CDK17: variants seen among roughly 807,000 people sequenced by gnomAD.
The protein encoded by CDK17 is cyclin-dependent kinase 17.
In CDK17, 24 loss-of-function variants were observed where a neutral mutation model predicts 77.6. The observed-to-expected ratio is 0.31, with a 90% CI of 0.22 to 0.44. The LOEUF is 0.44. CDK17 is among the 20% of genes least tolerant of loss of function. The probability of loss-of-function intolerance (pLI) is 1.00; values close to 1 mark genes in which losing one functional copy is unlikely to be tolerated. For synonymous variants in CDK17, 203 were observed against 210.4 expected (o/e 0.96, Z 0.30); for missense variants, 429 against 622.5 (o/e 0.69, Z 3.31).
chr12:96,305,877 G>A (rs970620330), intron 5 of CDK17, among the ~76,000 whole-genome samples: 1 of 151,968 alleles, frequency 6.6e-6, no homozygotes, highest in African/African-American at 2.4e-5. Flanking sequence ...GTGCCACCAC[G>A]CCTGGCTAGT....
At chr12:96,300,394 CTT>C (rs372691382) in intron 5 of CDK17, 34 bp from the exon 6 acceptor site, 29,502 of 883,856 alleles carry the variant, frequency 0.033, 57 homozygotes, top group Admixed American at 0.093. Context: ...GTAGTATTTA[CTT>C]TTTTTTTTTT....
At chr12:96,342,569 CA>C (rs1490668192) in intron 1 of CDK17, among the ~76,000 whole-genome samples, 2 of 151,876 alleles carry the variant, frequency 1.3e-5, no homozygotes, top group Admixed American at 1.3e-4. Context: ...GTCAAACAAA[CA>C]AACAAACAAA....
chr12:96,317,630 TG>T (rs1199556530), intron 3 of CDK17, among the ~76,000 whole-genome samples: 1 of 118,496 alleles, frequency 8.4e-6, no homozygotes, highest in Non-Finnish European at 1.8e-5. Flanking sequence ...CAGAAGAGAG[TG>T]GGGGCCAATA....
chr12:96,299,059 T>C (rs1295441955), intron 6 of CDK17, 76 bp from the exon 7 acceptor site: 2 of 666,838 alleles, frequency 3.0e-6, no homozygotes, highest in African/African-American at 1.9e-5. Flanking sequence ...AATAAAGAGC[T>C]CTACCTGAAT....
At chr12:96,344,490 T>C (rs927247595) in intron 1 of CDK17, among the ~76,000 whole-genome samples, 4 of 152,180 alleles carry the variant, frequency 2.6e-5, no homozygotes, top group Non-Finnish European at 5.9e-5. Flanking sequence ...TTCAGTAAGA[T>C]TAACAGCTGA....
chr12:96,294,011 T>G (rs927959489), intron 10 of CDK17, among the ~76,000 whole-genome samples: 14 of 152,214 alleles, frequency 9.2e-5, no homozygotes, highest in African/African-American at 3.4e-4. Context: ...TAAGTCTGAA[T>G]AACCACAGTT....
chr12:96,323,111 T>C (rs943296745), intron 3 of CDK17, among the ~76,000 whole-genome samples: 5 of 151,954 alleles, frequency 3.3e-5, no homozygotes, highest in Non-Finnish European at 7.4e-5. Flanking sequence ...GACTATAAAA[T>C]AGTTGTACTT....
At chr12:96,348,523 C>CAAAAAAAA (rs35363324) in intron 1 of CDK17, among the ~76,000 whole-genome samples, 10 of 66,354 alleles carry the variant, frequency 1.5e-4, no homozygotes, top group East Asian at 6.1e-4. Flanking sequence ...GACTCTGTCT[C>CAAAAAAAA]AAAAAAAAAA....
chr12:96,371,796 T>G (rs1953698129), intron 1 of CDK17, among the ~76,000 whole-genome samples: 1 of 152,090 alleles, frequency 6.6e-6, no homozygotes, highest in African/African-American at 2.4e-5. Context: ...AATTATTACA[T>G]GACATATTTT....
chr12:96,313,378 G>A lies in CDK17; in HGVS notation c.360C>T (p.Val120=). 6.3e-7 allele frequency: 1 copy of A among 1,598,906 alleles called. No homozygotes were observed. The highest frequency in any genetic ancestry group is 8.5e-7 in the Non-Finnish European group (1 of 1,173,644). ...TGAGACAAACACCTGTAGGTGACTG[G>A]ACTTCATCAGATGATGTCCCAGAAG... ...DQASGTSSDE[V]QSPTGVCLRN... Residue 120 remains valine (V), a synonymous_variant, in exon 4 of 17, where the codon GTC becomes GTT. Coordinates refer to ENST00000261211, the MANE Select transcript of CDK17 (RefSeq NM_002595.5).
intron 1 of CDK17, among the ~76,000 whole-genome samples, chr12:96,387,452 T>C (rs2137238363): frequency 6.6e-6 from 1 of 152,340 alleles, no homozygotes; most frequent in South Asian, 2.1e-4. Flanking sequence ...AGCATGCCTT[T>C]AGATTTTTTC....
intron 1 of CDK17, among the ~76,000 whole-genome samples, chr12:96,345,525 G>C (rs1206685049): frequency 6.6e-6 from 1 of 152,100 alleles, no homozygotes; most frequent in Admixed American, 6.5e-5. Flanking sequence ...CCATTCGACT[G>C]GTGTGAGATG....
intron 11 of CDK17, among the ~76,000 whole-genome samples, chr12:96,288,400 C>T (rs1952274280): frequency 6.6e-6 from 1 of 152,110 alleles, no homozygotes; most frequent in Non-Finnish European, 1.5e-5. Flanking sequence ...TTGAACGTTA[C>T]TAGGAATGAG....
At chr12:96,389,131 ATT>A (rs200539111) in intron 1 of CDK17, among the ~76,000 whole-genome samples, 65 of 142,580 alleles carry the variant, frequency 4.6e-4, no homozygotes, top group African/African-American at 1.6e-3. Flanking sequence ...TGCTCAACTA[ATT>A]TTTTTTTTTT....
chr12:96,311,075 G>A lies in CDK17; in HGVS notation c.520C>T (p.Arg174Ter). ...NSPPFDQPMSRRSRRASLSEI... is the reference protein window; with the variant it reads ...NSPPFDQPMS ...ACTAAGGAAGCTCTACGAGACCTTC[G>A]ACTCATTGGTTGGTCAAATGGTGGA... The change falls in exon 5 of 17, where the codon CGA becomes TGA. Residue 174 changes from arginine to a stop codon, truncating the protein, a stop_gained. Transcript: ENST00000261211. LOFTEE classifies it high-confidence loss of function. 1 of 1,601,008 alleles carries A rather than the reference G, an allele frequency of 6.2e-7. No individual in the cohort carries two copies. The highest frequency in any genetic ancestry group is 8.5e-7 in the Non-Finnish European group (1 of 1,176,338).
At position 96,311,030 on chromosome 12, in the gene CDK17, G is replaced by A. The variant is rs376160324; in HGVS notation, c.543+22C>T. 7.5e-6 allele frequency: 12 copies of A among 1,592,736 alleles called. 1 individual carries two copies. In the South Asian group the frequency reaches 9.3e-5, roughly 12 times the overall value. On this transcript the variant is annotated intron_variant, in intron 5 of 16. Transcript: ENST00000261211. The stretch of plus-strand genomic sequence containing the variant: ...CAAGCAGATCTGATTGATGGTGGAG[G>A]TATAGGAGACCAAAAACTTACTAAG...
At chr12:96,298,286 CAA>C (rs1008775363) in intron 7 of CDK17, among the ~76,000 whole-genome samples, 46 of 132,426 alleles carry the variant, frequency 3.5e-4, no homozygotes, top group African/African-American at 1.1e-3. Flanking sequence ...GACTCCCTCT[CAA>C]AAAAAAAAAA....
At chr12:96,329,429 A>T (rs1425627950) in intron 2 of CDK17, among the ~76,000 whole-genome samples, 1 of 152,200 alleles carries the variant, frequency 6.6e-6, no homozygotes, top group Non-Finnish European at 1.5e-5. Context: ...AATCATTATG[A>T]TTCCACTAAG....
At chr12:96,306,266 A>G (rs1260664592) in intron 5 of CDK17, among the ~76,000 whole-genome samples, 4 of 152,132 alleles carry the variant, frequency 2.6e-5, no homozygotes, top group Non-Finnish European at 5.9e-5. Context: ...ATATATTGCC[A>G]TTAGAAAATA....
Sources: allele counts gnomAD v4.1 joint callset (sites outside exome capture counted in the v4.1 genomes callset), GRCh38; gene constraint gnomAD v4.1.1; transcripts MANE v1.5; gene names NCBI Gene and HGNC (gene_info 2026-07-23, HGNC 2026-07-21).